The following FMN2 variants were observed in gnomAD, a reference collection of about 807,000 sequenced individuals.
FMN2 encodes formin-2.
In FMN2, 51 loss-of-function variants were observed where a neutral mutation model predicts 142.3. The ratio of observed to expected loss-of-function variants is 0.36; its 90% CI spans 0.29 to 0.45. The LOEUF is 0.45. FMN2 is among the 20% of genes least tolerant of loss of function. FMN2 has a pLI of 1.00. For missense variants in FMN2, 1,936 were observed against 2,122.8 expected (o/e 0.91, Z 1.73); for synonymous variants, 882 against 869.8 (o/e 1.01, Z -0.25).
chr1:240,227,675 G>A (rs1667360052), intron 6 of FMN2, among the ~76,000 whole-genome samples: 3 of 152,118 alleles, frequency 2.0e-5, no homozygotes, highest in South Asian at 4.1e-4. Context: ...TTTGACAATG[G>A]TACTAAGACA....
intron 4 of FMN2, among the ~76,000 whole-genome samples, chr1:240,205,623 G>A (rs1369501738): frequency 1.3e-5 from 2 of 151,520 alleles, no homozygotes; most frequent in Non-Finnish European, 2.9e-5. Flanking sequence ...CACCACGCCC[G>A]GCTAATTTTT....
At chr1:240,376,035 C>T (rs1237124827) in intron 14 of FMN2, among the ~76,000 whole-genome samples, 1 of 151,928 alleles carries the variant, frequency 6.6e-6, no homozygotes, top group Admixed American at 6.6e-5. Context: ...ATTGTTATAT[C>T]TTCTTTTTGA....
At chr1:240,295,947 T>G (rs1317956279) in intron 8 of FMN2, among the ~76,000 whole-genome samples, 1 of 152,170 alleles carries the variant, frequency 6.6e-6, no homozygotes, top group Non-Finnish European at 1.5e-5. Context: ...CTAATAGCCT[T>G]GCCAACAGAT....
intron 2 of FMN2, among the ~76,000 whole-genome samples, chr1:240,168,147 T>G (rs1664556194): frequency 6.6e-6 from 1 of 152,220 alleles, no homozygotes; most frequent in African/African-American, 2.4e-5. Flanking sequence ...CTCAAAACAA[T>G]TCTATAGGGT....
At chr1:240,143,836 C>T in intron 2 of FMN2, 4 of 1,568,362 alleles carry the variant, frequency 2.6e-6, no homozygotes, top group Non-Finnish European at 2.6e-6. Flanking sequence ...TCACACCTGC[C>T]ACCTCCATGC....
intron 13 of FMN2, among the ~76,000 whole-genome samples, chr1:240,344,527 A>G (rs1671843127): frequency 6.6e-6 from 1 of 152,248 alleles, no homozygotes; most frequent in East Asian, 1.9e-4. Context: ...TTAAATCAAC[A>G]TTTTTCAGTA....
At chr1:240,275,274 G>A (rs1198513451) in intron 7 of FMN2, among the ~76,000 whole-genome samples, 1 of 150,880 alleles carries the variant, frequency 6.6e-6, no homozygotes, top group Non-Finnish European at 1.5e-5. Flanking sequence ...AGTGTGTGAT[G>A]TTCCCCTCTC....
rs1301546234 is a variant in FMN2 at position 240,235,862 on chromosome 1, G to C, written c.4066-22083G>C. The C allele has an allele frequency of 2.0e-5, 3 of 152,126 alleles. No individual in the cohort carries two copies. In the East Asian group the frequency reaches 5.8e-4, roughly 29 times the overall value. The allele number at this position is 152,126 out of a possible 1,614,324, so 9.4% of individuals were successfully genotyped here. A position where few individuals can be genotyped will look rare whatever the true frequency, so the allele number is the denominator to read the frequency against. On this transcript the variant is annotated intron_variant, in intron 6 of 17. Transcript: ENST00000319653. Reference sequence around the variant, plus strand: ...CTTCCTCTGCCCCATATCAAAGTTGGCCTGGCAGAAAAAAATCCCACCCAG... The same window carrying C: ...CTTCCTCTGCCCCATATCAAAGTTGCCCTGGCAGAAAAAAATCCCACCCAG...
chr1:240,427,233 G>T (rs1674980591), intron 15 of FMN2, among the ~76,000 whole-genome samples: 2 of 148,952 alleles, frequency 1.3e-5, no homozygotes. Flanking sequence ...TTGAGACAGA[G>T]TCTCGCCTGT....
intron 1 of FMN2, among the ~76,000 whole-genome samples, chr1:240,119,638 C>T (rs1227313276): frequency 3.9e-5 from 6 of 152,128 alleles, no homozygotes; most frequent in African/African-American, 1.4e-4. Context: ...ATACCAGGCC[C>T]AGGGTGATGA....
chr1:240,356,576 A>G (rs780420973), intron 14 of FMN2, among the ~76,000 whole-genome samples: 24 of 152,222 alleles, frequency 1.6e-4, no homozygotes, highest in Non-Finnish European at 2.6e-4. Context: ...GAAATCACTG[A>G]AACTTATAAT....
intron 7 of FMN2, among the ~76,000 whole-genome samples, chr1:240,263,613 G>T (rs978617045): frequency 3.3e-5 from 5 of 152,180 alleles, no homozygotes; most frequent in Non-Finnish European, 4.4e-5. Flanking sequence ...AGCAGCTTGC[G>T]TTAACTGCCT....
chr1:240,145,464 AGTATT>A (rs1558318995), intron 2 of FMN2: 2 of 265,716 alleles, frequency 7.5e-6, no homozygotes, highest in Middle Eastern at 1.1e-3. Context: ...CTTTTTCTTT[AGTATT>A]GTATTTGACA....
intron 2 of FMN2, among the ~76,000 whole-genome samples, chr1:240,177,074 T>G (rs1029468889): frequency 3.9e-5 from 6 of 152,334 alleles, no homozygotes; most frequent in East Asian, 3.9e-4. Flanking sequence ...TTACTTGATG[T>G]GGATCAAAGG....
chr1:240,239,785 A>G (rs899124005), intron 6 of FMN2, among the ~76,000 whole-genome samples: 1 of 152,248 alleles, frequency 6.6e-6, no homozygotes, highest in African/African-American at 2.4e-5. Context: ...TTACTAAATC[A>G]TTAAAAGTTT....
chr1:240,344,366 G>T (rs1245186457), intron 13 of FMN2, among the ~76,000 whole-genome samples: 1 of 152,146 alleles, frequency 6.6e-6, no homozygotes, highest in Non-Finnish European at 1.5e-5. Flanking sequence ...AGGTTACTGT[G>T]ATGTTTTGCT....
At chr1:240,407,195 T>C (rs1220754865) in intron 15 of FMN2, among the ~76,000 whole-genome samples, 1 of 151,914 alleles carries the variant, frequency 6.6e-6, no homozygotes, top group East Asian at 1.9e-4. Flanking sequence ...TGGAGTTCAG[T>C]GGTGCGATCT....
intron 15 of FMN2, among the ~76,000 whole-genome samples, chr1:240,411,875 G>A (rs1022968362): frequency 2.6e-5 from 4 of 152,114 alleles, no homozygotes; most frequent in African/African-American, 9.7e-5. Context: ...TGGGTAATAA[G>A]CCAGCCGTGT....
intron 2 of FMN2, among the ~76,000 whole-genome samples, chr1:240,168,715 G>A (rs1406796754): frequency 3.3e-5 from 5 of 152,078 alleles, no homozygotes; most frequent in Admixed American, 6.6e-5. Flanking sequence ...AAATAAAAAG[G>A]TGCTATTTTA....
Sources: allele counts gnomAD v4.1 joint callset (sites outside exome capture counted in the v4.1 genomes callset), GRCh38; gene constraint gnomAD v4.1.1; transcripts MANE v1.5; gene names NCBI Gene and HGNC (gene_info 2026-07-23, HGNC 2026-07-21).